LOXHD1: variants seen among roughly 807,000 people sequenced by gnomAD.
LOXHD1 encodes lipoxygenase homology domain-containing protein 1.
In LOXHD1, 205 loss-of-function variants were observed where a neutral mutation model predicts 248.2. The observed-to-expected ratio is 0.83, with a 90% CI of 0.74 to 0.93. LOXHD1 has a LOEUF of 0.93. Among genes scored for constraint, LOXHD1 ranks in the 40% least tolerant of loss-of-function variants. The probability of loss-of-function intolerance (pLI) is 0.00; values close to 1 mark genes in which losing one functional copy is unlikely to be tolerated. For missense variants in LOXHD1, 2,930 were observed against 2,971.6 expected, an observed-to-expected ratio of 0.99 and a Z score of 0.33; for synonymous variants, 1,113 against 1,162.8, an observed-to-expected ratio of 0.96 and a Z score of 0.87.
chr18:46,578,435 AGGTG>A (rs1374690171), intron 13 of LOXHD1, among the ~76,000 whole-genome samples: 1 of 152,152 alleles, frequency 6.6e-6, no homozygotes, highest in Non-Finnish European at 1.5e-5. Context: ...CTGGAGAGAA[AGGTG>A]GGTGGGTGGG....
chr18:46,569,785 G>T (rs621453), intron 15 of LOXHD1, 147 bp from the exon 16 acceptor site: 13 of 636,584 alleles, frequency 2.0e-5, no homozygotes, highest in Non-Finnish European at 3.5e-5. Flanking sequence ...CCTGTTCTAA[G>T]CAGCCCTGCA....
At chr18:46,516,626 C>T (rs1362403566) in intron 34 of LOXHD1, among the ~76,000 whole-genome samples, 1 of 152,002 alleles carries the variant, frequency 6.6e-6, no homozygotes, top group Non-Finnish European at 1.5e-5. Context: ...ACCTTCATCC[C>T]TATCACCACT....
At chr18:46,511,239 G>A (rs1042045651) in intron 34 of LOXHD1, among the ~76,000 whole-genome samples, 4 of 152,172 alleles carry the variant, frequency 2.6e-5, no homozygotes, top group African/African-American at 9.7e-5. Context: ...CATCTAAAGT[G>A]AAGGCCCTTA....
In LOXHD1 at chr18:46,542,769, G is replaced by A. The variant is rs1387687824; in HGVS notation, c.3706C>T (p.Leu1236=). The A allele has an allele frequency of 7.7e-6, 12 of 1,551,540 alleles. No homozygotes were observed. Among genetic ancestry groups the A allele is most frequent in the Non-Finnish European group, 1.0e-5 (12 of 1,146,990 alleles). The change falls in exon 24 of 41, where the codon CTG becomes TTG. Residue 1236 remains leucine (L), a synonymous_variant. Transcript: ENST00000642948. ...AGCCGGACTTTCCACAGGTCTCCCA[G>A]ATCCAGCGTCTCCACCGTGAAGATT... ...IEIFTVETLD[L]GDLWKVRLGH... is the part of the protein sequence containing the mutation.
At chr18:46,561,988 C>T (rs10502873) in intron 18 of LOXHD1, among the ~76,000 whole-genome samples, 14,404 of 152,240 alleles carry the variant, frequency 0.095, 803 homozygotes, top group Middle Eastern at 0.14. Flanking sequence ...CCAGAAGACA[C>T]GCTATCCAGT....
At chr18:46,511,223 T>G (rs1312266292) in intron 34 of LOXHD1, among the ~76,000 whole-genome samples, 2 of 152,274 alleles carry the variant, frequency 1.3e-5, no homozygotes, top group East Asian at 3.9e-4. Context: ...CTCTTCGGTG[T>G]AAAACCATCT....
chr18:46,652,940 T>C (rs758805006), intron 1 of LOXHD1, among the ~76,000 whole-genome samples: 2 of 152,190 alleles, frequency 1.3e-5, no homozygotes, highest in Non-Finnish European at 2.9e-5. Flanking sequence ...ATGTGCACAC[T>C]GTATGGTTCC....
Position 46,518,237 on chromosome 18 carries a change from A to ATCC in LOXHD1, c.5290_5291insGGA (p.Val1764delinsGlyMet). Reference sequence around the variant, plus strand: ...CCCGCCAACCACATCCCCTGTCCACACCGTCATTTCATAGAGAACCTGCCA... The same window carrying ATCC: ...CCCGCCAACCACATCCCCTGTCCACATCCCCGTCATTTCATAGAGAACCTGCCA... On this transcript the variant is annotated protein_altering_variant, in exon 34 of 41. Coordinates refer to ENST00000642948, the MANE Select transcript of LOXHD1 (RefSeq NM_001384474.1). 1 of 1,551,640 alleles carries ATCC rather than the reference A, an allele frequency of 6.4e-7. No homozygotes were observed. Among genetic ancestry groups the ATCC allele is most frequent in the South Asian group, 1.2e-5 (1 of 84,052 alleles).
chr18:46,484,889 T>G (rs2032907698), intron 39 of LOXHD1, 130 bp downstream of exon 39: 2 of 1,123,046 alleles, frequency 1.8e-6, no homozygotes, highest in Admixed American at 2.4e-5. Flanking sequence ...TGGCACACAG[T>G]AGGTGCTCAG....
chr18:46,535,147 G>A (rs2036253000), intron 26 of LOXHD1, among the ~76,000 whole-genome samples: 2 of 152,112 alleles, frequency 1.3e-5, no homozygotes, highest in South Asian at 4.1e-4. Flanking sequence ...ATAGTTGTAA[G>A]TTTTCATTTA....
intron 12 of LOXHD1, among the ~76,000 whole-genome samples, chr18:46,589,146 G>A (rs2038117899): frequency 6.6e-6 from 1 of 152,190 alleles, no homozygotes; most frequent in Non-Finnish European, 1.5e-5. Flanking sequence ...ATGAATGCAG[G>A]TTGTTGGCAA....
chr18:46,575,968 C>T (rs768200264), intron 14 of LOXHD1, among the ~76,000 whole-genome samples: 7 of 152,290 alleles, frequency 4.6e-5, no homozygotes, highest in Non-Finnish European at 1.0e-4. Flanking sequence ...CACTCCAGTC[C>T]TTTCCCCTGG....
Position 46,477,852 on chromosome 18 carries a change from C to A in LOXHD1, c.6442G>T (p.Val2148Phe). The A allele has an allele frequency of 1.9e-6, 3 of 1,551,814 alleles. No individual in the cohort carries two copies. Among genetic ancestry groups the A allele is most frequent in the East Asian group, 2.4e-5 (1 of 40,924 alleles). The change falls in exon 41 of 41, where the codon GTC becomes TTC. Residue 2148 changes from valine to phenylalanine, a missense_variant. Physicochemically the swap from Val to Phe is conservative, Grantham distance 50. Transcript: ENST00000642948. The part of the protein sequence containing the change: ...TKTTESFASK[V>F]QSLVPVKYEV... ...TACTTGACGGGCACCAGGCTCTGGA[C>A]CTTGCTGGCAAAGCTCTCTGTCGTC...
intron 12 of LOXHD1, among the ~76,000 whole-genome samples, chr18:46,583,306 T>C (rs1199134905): frequency 2.0e-5 from 3 of 152,026 alleles, no homozygotes; most frequent in Non-Finnish European, 4.4e-5. Context: ...AAAGCAAAAA[T>C]AGACAAATAA....
At chr18:46,565,188 C>T (rs144604051) in intron 17 of LOXHD1, among the ~76,000 whole-genome samples, 2,525 of 151,808 alleles carry the variant, frequency 0.017, 72 homozygotes, top group African/African-American at 0.054. Flanking sequence ...CGCTTGAACC[C>T]GGGAGGAGGT....
At chr18:46,513,763 C>T (rs1302213834) in intron 34 of LOXHD1, among the ~76,000 whole-genome samples, 1 of 152,198 alleles carries the variant, frequency 6.6e-6, no homozygotes, top group Non-Finnish European at 1.5e-5. Context: ...GTTTTAATTA[C>T]CACTATGTTT....
chr18:46,649,007 G>T, intron 2 of LOXHD1, 148 bp downstream of exon 2: 1 of 667,162 alleles, frequency 1.5e-6, no homozygotes, highest in Non-Finnish European at 2.7e-6. Context: ...GCTGGTACAC[G>T]GTCTGTCATT....
At chr18:46,560,043 G>T in intron 19 of LOXHD1, 40 bp downstream of exon 19, 1 of 1,401,430 alleles carries the variant, frequency 7.1e-7, no homozygotes, top group Non-Finnish European at 9.8e-7. Context: ...GAACTGTCTG[G>T]CCACTCCCTC....
chr18:46,569,249 G>A (rs894806208), intron 16 of LOXHD1, among the ~76,000 whole-genome samples, 193 bp downstream of exon 16: 5 of 152,110 alleles, frequency 3.3e-5, no homozygotes, highest in Admixed American at 3.3e-4. Context: ...GCTGCTCTAG[G>A]TCACAGCTAA....
Sources: allele counts gnomAD v4.1 joint callset (sites outside exome capture counted in the v4.1 genomes callset), GRCh38; gene constraint gnomAD v4.1.1; transcripts MANE v1.5; gene names NCBI Gene and HGNC (gene_info 2026-07-23, HGNC 2026-07-21).